HORMAD2: variants seen among roughly 807,000 people sequenced by gnomAD.
HORMAD2 encodes the protein HORMA domain-containing protein 2.
In HORMAD2, 45 loss-of-function variants were observed where a neutral mutation model predicts 38.8. The observed-to-expected ratio is 1.16, with a 90% confidence interval of 0.91 to 1.49. The LOEUF (loss-of-function observed/expected upper bound fraction) is 1.49. Ranked by LOEUF, HORMAD2 falls within the 40% of genes most tolerant of loss-of-function variation. HORMAD2 has a pLI of 0.00. For missense variants in HORMAD2, 338 were observed against 367.0 expected (o/e 0.92, Z 0.65); for synonymous variants, 126 against 122.8 (o/e 1.03, Z -0.17).
chr22:30,103,433 G>T lies in HORMAD2; in HGVS notation c.194-4G>T. 6.6e-7 allele frequency: 1 copy of T among 1,518,522 alleles called. No homozygotes were observed. The highest frequency in any genetic ancestry group is 9.0e-7 in the Non-Finnish European group (1 of 1,116,392). The allele number at this position is 1,518,522 out of a possible 1,614,324, so 94.1% of individuals were successfully genotyped here. A position where few individuals can be genotyped will look rare whatever the true frequency, so the allele number is the denominator to read the frequency against. Reference sequence around the variant, plus strand: ...AAAAATAGACTGTGTTTCTGTTTTTGTAGACCTCAGTTTAAAAATCCTCCG... The same window carrying T: ...AAAAATAGACTGTGTTTCTGTTTTTTTAGACCTCAGTTTAAAAATCCTCCG... On this transcript the variant is annotated splice_polypyrimidine_tract_variant and splice_region_variant and intron_variant, in intron 3 of 10. Coordinates refer to ENST00000336726, the MANE Select transcript of HORMAD2 (RefSeq NM_152510.4).
chr22:30,172,285 C>A (rs141547552), intron 10 of HORMAD2, among the ~76,000 whole-genome samples: 1 of 152,116 alleles, frequency 6.6e-6, no homozygotes, highest in Non-Finnish European at 1.5e-5. Context: ...TGATAGGTCC[C>A]AAACACCTAG....
At chr22:30,183,039 C>G in the HORMAD2 span, among the ~76,000 whole-genome samples, 1 of 152,172 alleles carries the variant, frequency 6.6e-6, no homozygotes, top group African/African-American at 2.4e-5. Flanking sequence ...TGCTTACGCA[C>G]ATTTATTTCT....
chr22:30,089,545 A>T (rs1601501256), intron 1 of HORMAD2, among the ~76,000 whole-genome samples: 1 of 151,686 alleles, frequency 6.6e-6, no homozygotes, highest in South Asian at 2.1e-4. Context: ...TAGAGATGGG[A>T]TTTCACCATG....
chr22:30,172,447 T>C (rs1926167077), intron 10 of HORMAD2, among the ~76,000 whole-genome samples: 1 of 152,208 alleles, frequency 6.6e-6, no homozygotes, highest in African/African-American at 2.4e-5. Context: ...ACCAACTATG[T>C]CTCCTTGATC....
intron 10 of HORMAD2, among the ~76,000 whole-genome samples, chr22:30,162,994 G>T (rs976105524): frequency 6.6e-6 from 1 of 151,968 alleles, no homozygotes; most frequent in African/African-American, 2.4e-5. Context: ...GAGCCACCAC[G>T]CCTGGCGATT....
chr22:30,130,586 CTTTTTTT>C (rs66636269), intron 10 of HORMAD2, among the ~76,000 whole-genome samples: 1 of 87,912 alleles, frequency 1.1e-5, no homozygotes, highest in African/African-American at 3.9e-5. Flanking sequence ...CTTTTCTTTT[CTTTTTTT>C]TTTTTTTTTT....
At chr22:30,156,864 A>G (rs1045368358) in intron 10 of HORMAD2, among the ~76,000 whole-genome samples, 1 of 152,238 alleles carries the variant, frequency 6.6e-6, no homozygotes, top group African/African-American at 2.4e-5. Context: ...CCCAGGACAA[A>G]AATATTCAAG....
chr22:30,199,122 G>A, the HORMAD2 span, among the ~76,000 whole-genome samples: 3 of 152,176 alleles, frequency 2.0e-5, no homozygotes, highest in Non-Finnish European at 4.4e-5. Flanking sequence ...ACCTAATTTT[G>A]TTCTGGAAAT....
chr22:30,132,164 A>G (rs1485891333), intron 10 of HORMAD2, among the ~76,000 whole-genome samples: 1 of 152,230 alleles, frequency 6.6e-6, no homozygotes, highest in African/African-American at 2.4e-5. Context: ...CTCCTGAAGC[A>G]TATATGCCTT....
At chr22:30,181,359 C>T (rs886684889), downstream of HORMAD2, among the ~76,000 whole-genome samples, 2 of 152,068 alleles carry the variant, frequency 1.3e-5, no homozygotes, top group African/African-American at 4.8e-5. Context: ...CCTACATCAA[C>T]AGCCTGTGCA....
At chr22:30,187,445 GCA>G in the HORMAD2 span, among the ~76,000 whole-genome samples, 1 of 151,486 alleles carries the variant, frequency 6.6e-6, no homozygotes, top group African/African-American at 2.4e-5. Context: ...AATAAGAAAA[GCA>G]CAAAGAAGAA....
chr22:30,106,275 T>C (rs1921188675), intron 5 of HORMAD2, among the ~76,000 whole-genome samples: 1 of 152,192 alleles, frequency 6.6e-6, no homozygotes, highest in South Asian at 2.1e-4. Context: ...CCTCCCAACA[T>C]GCTGGGATTA....
At chr22:30,174,271 A>C (rs1004234810) in intron 10 of HORMAD2, among the ~76,000 whole-genome samples, 1 of 152,204 alleles carries the variant, frequency 6.6e-6, no homozygotes, top group African/African-American at 2.4e-5. Flanking sequence ...CTGCCTGATG[A>C]GTGGCCTTTT....
At chr22:30,147,259 A>G (rs1482547005) in intron 10 of HORMAD2, among the ~76,000 whole-genome samples, 2 of 152,228 alleles carry the variant, frequency 1.3e-5, no homozygotes, top group African/African-American at 2.4e-5. Context: ...AGATTTCAAG[A>G]CATTGTGCTA....
chr22:30,110,263 G>A (rs1371226083), intron 5 of HORMAD2, among the ~76,000 whole-genome samples: 1 of 151,622 alleles, frequency 6.6e-6, no homozygotes, highest in African/African-American at 2.4e-5. Context: ...ATTAAAAAAT[G>A]CTAGTCTTTC....
downstream of HORMAD2, among the ~76,000 whole-genome samples, chr22:30,180,894 CTTCCCT>C (rs1160047516): frequency 3.5e-4 from 39 of 113,038 alleles, no homozygotes; most frequent in African/African-American, 1.9e-3. Flanking sequence ...CTTTCCCTTC[CTTCCCT>C]TTCCCTTTCC....
intron 10 of HORMAD2, among the ~76,000 whole-genome samples, chr22:30,153,636 G>C (rs1215658654): frequency 6.6e-6 from 1 of 152,096 alleles, no homozygotes; most frequent in Non-Finnish European, 1.5e-5. Flanking sequence ...CCAATTCCCT[G>C]CTTTCTGTTC....
At chr22:30,180,015 A>G (rs1260022212), downstream of HORMAD2, among the ~76,000 whole-genome samples, 1 of 152,006 alleles carries the variant, frequency 6.6e-6, no homozygotes, top group African/African-American at 2.4e-5. Flanking sequence ...CAGCCTCCCA[A>G]GTAGCTAGAA....
At chr22:30,139,418 C>A (rs374725442) in intron 10 of HORMAD2, among the ~76,000 whole-genome samples, 1 of 150,092 alleles carries the variant, frequency 6.7e-6, no homozygotes, top group East Asian at 1.9e-4. Flanking sequence ...CTGACTGATA[C>A]GCTTGCTGAA....
Sources: allele counts gnomAD v4.1 joint callset (sites outside exome capture counted in the v4.1 genomes callset), GRCh38; gene constraint gnomAD v4.1.1; transcripts MANE v1.5; gene names NCBI Gene and HGNC (gene_info 2026-07-23, HGNC 2026-07-21).